ADGRF1: variants seen among roughly 807,000 people sequenced by gnomAD.
ADGRF1 encodes the protein adhesion G protein-coupled receptor F1, also known as G protein-coupled receptor 110.
In ADGRF1, 85 loss-of-function variants were observed where a neutral mutation model predicts 87.2. The ratio of observed to expected loss-of-function variants is 0.97; its 90% CI spans 0.82 to 1.17. ADGRF1 has a LOEUF of 1.17. Ranked by LOEUF, ADGRF1 falls within the 50% of genes most tolerant of loss-of-function variation. The probability of loss-of-function intolerance (pLI) is 0.00; values close to 1 mark genes in which losing one functional copy is unlikely to be tolerated. For synonymous variants in ADGRF1, 430 were observed against 408.8 expected (o/e 1.05, Z -0.63); for missense variants, 1,169 against 1,077.2 (o/e 1.09, Z -1.19).
chr6:47,026,272 C>T (rs1203684963), intron 3 of ADGRF1, among the ~76,000 whole-genome samples: 2 of 152,122 alleles, frequency 1.3e-5, no homozygotes, highest in Non-Finnish European at 2.9e-5. Context: ...CAGAATCACT[C>T]TCCCAATGTT....
intron 5 of ADGRF1, among the ~76,000 whole-genome samples, chr6:47,022,428 T>C (rs1189930633): frequency 6.6e-6 from 1 of 152,218 alleles, no homozygotes; most frequent in African/African-American, 2.4e-5. Context: ...GCAACACTAC[T>C]TGCTAACTCC....
At chr6:47,041,737 C>T (rs1316538669) in intron 1 of ADGRF1, among the ~76,000 whole-genome samples, 4 of 151,968 alleles carry the variant, frequency 2.6e-5, no homozygotes, top group East Asian at 3.9e-4. Flanking sequence ...ACTAATTCAC[C>T]CTAAAGGAAA....
chr6:47,019,677 C>G, intron 7 of ADGRF1: 1 of 727,014 alleles, frequency 1.4e-6, no homozygotes. Flanking sequence ...GAGCGAGACT[C>G]CATCTCAAAA....
chr6:46,999,542 T>C lies in ADGRF1; in HGVS notation c.*680A>G, dbSNP rs1779302488. 6.6e-6 allele frequency: 1 copy of C among 152,230 alleles called. No individual in the cohort carries two copies. Among genetic ancestry groups the C allele is most frequent in the South Asian group, 2.1e-4 (1 of 4,826 alleles). 9.4% of individuals were successfully genotyped at this position (152,230 alleles called of 1,614,324 possible). ...CTAGGTCTGCCTTGACACTTTTGTT[T>C]GCAGGGTTTAGGACCAGATGGAAGT... On this transcript the variant is annotated 3_prime_UTR_variant, in exon 15 of 15. Transcript: ENST00000371253.
At chr6:47,017,279 G>T (rs898738023) in intron 7 of ADGRF1, 1 of 152,120 alleles carries the variant, frequency 6.6e-6, no homozygotes, top group African/African-American at 2.4e-5. Flanking sequence ...TTAGAGTTGC[G>T]ATTTCATTCT....
At chr6:47,030,576 A>ATGTGTGTGTGTGTGTGTG (rs3030596) in intron 1 of ADGRF1, among the ~76,000 whole-genome samples, 3 of 138,462 alleles carry the variant, frequency 2.2e-5, no homozygotes, top group Non-Finnish European at 4.7e-5. Flanking sequence ...TAACATGAAT[A>ATGTGTGTGTGTGTGTGTG]TGTGTGTGTG....
chr6:47,000,295 C>A lies in ADGRF1; in HGVS notation c.2660G>T (p.Gly887Val). ...TCCAGTATGAGAAAATGCATAATGG[C>A]CTGAAGGGGAAAAAAAAAGGAAATA... ...SKPFNPLQNK[G>V]HYAFSHTGDS... The change falls in exon 15 of 15, where the codon GGC becomes GTC. Residue 887 changes from glycine (G) to valine (V), a missense_variant and splice_region_variant. Transcript: ENST00000371253. 1.3e-6 allele frequency: 2 copies of A among 1,583,296 alleles called. No individual in the cohort carries two copies. Among genetic ancestry groups the A allele is most frequent in the South Asian group, 1.1e-5 (1 of 87,944 alleles).
chr6:47,017,212 G>A (rs1561872114), intron 7 of ADGRF1: 1 of 152,202 alleles, frequency 6.6e-6, no homozygotes, highest in African/African-American at 2.4e-5. Context: ...CAGCAGCAAG[G>A]GAGCAATAGC....
intron 7 of ADGRF1, 134 bp from the exon 8 acceptor site, chr6:47,016,902 C>T: frequency 1.6e-6 from 2 of 1,251,500 alleles, no homozygotes; most frequent in Non-Finnish European, 2.0e-6. Context: ...GTGGATAAGG[C>T]AAGGCAAATA....
At chr6:47,014,987 T>A in intron 8 of ADGRF1, 143 bp from the exon 9 acceptor site, 1 of 1,195,940 alleles carries the variant, frequency 8.4e-7, no homozygotes, top group Non-Finnish European at 1.1e-6. Flanking sequence ...GAGAAGTTTG[T>A]CTTTGATGTC....
intron 14 of ADGRF1, among the ~76,000 whole-genome samples, 175 bp from the exon 15 acceptor site, chr6:47,000,470 C>T (rs977802970): frequency 6.6e-6 from 1 of 152,126 alleles, no homozygotes; most frequent in Non-Finnish European, 1.5e-5. Flanking sequence ...ACCAACACCC[C>T]AGAGGCTTGC....
At chr6:47,031,939 G>A (rs536994842) in intron 1 of ADGRF1, among the ~76,000 whole-genome samples, 4 of 152,028 alleles carry the variant, frequency 2.6e-5, no homozygotes, top group Non-Finnish European at 5.9e-5. Context: ...TTAAACTCCT[G>A]GGCTTAAGCA....
intron 1 of ADGRF1, among the ~76,000 whole-genome samples, chr6:47,040,095 C>A (rs1043021740): frequency 6.6e-6 from 1 of 152,126 alleles, no homozygotes; most frequent in East Asian, 1.9e-4. Flanking sequence ...AGGAAAATCC[C>A]AAGACATATG....
intron 1 of ADGRF1, among the ~76,000 whole-genome samples, chr6:47,040,218 A>T (rs1199079962): frequency 1.3e-5 from 2 of 152,132 alleles, no homozygotes; most frequent in African/African-American, 4.8e-5. Context: ...TAATCCCAGC[A>T]CTTTGGGAGG....
intron 1 of ADGRF1, among the ~76,000 whole-genome samples, chr6:47,040,743 C>T (rs1780719226): frequency 6.6e-6 from 1 of 152,162 alleles, no homozygotes; most frequent in Admixed American, 6.5e-5. Context: ...TCAGCCAAAG[C>T]ACTAAAATCA....
rs1561879895 is a variant in ADGRF1, at chr6:47,029,168, A to T, written c.-43-64T>A. ...AACAAGAAATTCAAGCCAAAATGTAAAAATGCACAAAGTGGTAAGGCCTCA... is the reference window on the plus strand; with the variant it reads ...AACAAGAAATTCAAGCCAAAATGTATAAATGCACAAAGTGGTAAGGCCTCA... On this transcript the variant is annotated intron_variant, in intron 1 of 14. Coordinates refer to ENST00000371253, the MANE Select transcript of ADGRF1 (RefSeq NM_153840.4). 3.4e-6 allele frequency: 3 copies of T among 892,278 alleles called. No individual in the cohort carries two copies. In the East Asian group the frequency reaches 7.7e-5, roughly 23 times the overall value. 55.3% of individuals were successfully genotyped at this position (892,278 alleles called of 1,614,324 possible).
intron 7 of ADGRF1, chr6:47,017,944 G>A (rs1346491807): frequency 6.3e-6 from 1 of 158,462 alleles, no homozygotes; most frequent in Non-Finnish European, 1.4e-5. Flanking sequence ...CTGTGTGCAA[G>A]TTATACCTCA....
chr6:47,033,318 C>T (rs1780489363), intron 1 of ADGRF1, among the ~76,000 whole-genome samples: 1 of 152,174 alleles, frequency 6.6e-6, no homozygotes, highest in African/African-American at 2.4e-5. Context: ...GCTATTATGC[C>T]TCTGGAGAGG....
chr6:47,025,795 G>A (rs1486822079), intron 4 of ADGRF1, 59 bp downstream of exon 4: 18 of 1,461,952 alleles, frequency 1.2e-5, no homozygotes, highest in East Asian at 2.3e-5. Flanking sequence ...ACCCAACCTA[G>A]CCTGACTGAT....
Sources: gnomAD v4.1 joint callset for allele counts (sites outside exome capture counted in the v4.1 genomes callset) on GRCh38, gnomAD v4.1.1 for gene constraint, MANE v1.5 for transcripts, NCBI Gene and HGNC (gene_info 2026-07-23, HGNC 2026-07-21) for gene names.